Variants in SHROOM3 observed in about 807,000 individuals in gnomAD.
SHROOM3 encodes protein Shroom3.
A neutral mutation model predicts 138.6 loss-of-function variants in SHROOM3; 47 were observed. The observed-to-expected ratio is 0.34, with a 90% CI of 0.27 to 0.43. SHROOM3 has a LOEUF of 0.43. Ranked by LOEUF, SHROOM3 falls within the 20% of genes least tolerant of loss-of-function variation. The probability of loss-of-function intolerance (pLI) is 1.00; values close to 1 mark genes in which losing one functional copy is unlikely to be tolerated. For missense variants in SHROOM3, 2,491 were observed against 2,596.5 expected (o/e 0.96, Z 0.88); for synonymous variants, 1,062 against 1,063.3 (o/e 1.00, Z 0.02).
At chr4:76,540,934 C>T (rs1272179698) in intron 1 of SHROOM3, among the ~76,000 whole-genome samples, 2 of 152,010 alleles carry the variant, frequency 1.3e-5, no homozygotes, top group African/African-American at 4.8e-5. Flanking sequence ...TAACTATTGC[C>T]CTGTGAGCCC....
At chr4:76,598,217 G>A (rs1408684027) in intron 2 of SHROOM3, among the ~76,000 whole-genome samples, 10 of 151,554 alleles carry the variant, frequency 6.6e-5, no homozygotes, top group Non-Finnish European at 1.2e-4. Context: ...TAGTAGAGAC[G>A]GGGTTTCACC....
In SHROOM3 at chr4:76,740,865, C is replaced by A. The variant is rs1721226891; in HGVS notation, c.2692C>A (p.Pro898Thr). ...GAGCACCTTCCAGCTCTCCAGCGAG[C>A]CAGAGAGGGAGCCCGAGTGGCGGGA... ...SQSTFQLSSE[P>T]EREPEWRDRP... Residue 898 changes from proline to threonine, a missense_variant, in exon 5 of 11, where the codon CCA becomes ACA. Coordinates refer to ENST00000296043, the MANE Select transcript of SHROOM3 (RefSeq NM_020859.4). The surrounding 1 kb of genome is among the most constrained non-coding windows in gnomAD (Gnocchi z 4.0). The A allele has an allele frequency of 6.4e-7, 1 of 1,556,224 alleles. No homozygotes were observed. The highest frequency in any genetic ancestry group is 8.7e-7 in the Non-Finnish European group (1 of 1,154,174).
intron 2 of SHROOM3, among the ~76,000 whole-genome samples, chr4:76,650,568 G>T (rs1735934230): frequency 6.8e-6 from 1 of 147,374 alleles, no homozygotes; most frequent in South Asian, 2.1e-4. Flanking sequence ...TTTATTTGAT[G>T]GAGTCTTGCT....
At chr4:76,499,462 G>A (rs921076965) in intron 1 of SHROOM3, among the ~76,000 whole-genome samples, 25 of 152,086 alleles carry the variant, frequency 1.6e-4, no homozygotes, top group Middle Eastern at 3.2e-3. Flanking sequence ...ATTTTAAAAT[G>A]TCAACCAATG....
At chr4:76,551,857 AATT>A (rs560387094) in intron 1 of SHROOM3, among the ~76,000 whole-genome samples, 2 of 151,618 alleles carry the variant, frequency 1.3e-5, no homozygotes, top group African/African-American at 2.4e-5. Flanking sequence ...GAAAAAGAAG[AATT>A]ATTATTATTA....
chr4:76,732,124 T>C (rs1296065969), intron 4 of SHROOM3, among the ~76,000 whole-genome samples: 2 of 152,236 alleles, frequency 1.3e-5, no homozygotes. Flanking sequence ...ATCTATCTTC[T>C]GATCCCAGGG....
intron 1 of SHROOM3, among the ~76,000 whole-genome samples, chr4:76,454,502 T>C (rs773415361): frequency 6.6e-6 from 1 of 152,238 alleles, no homozygotes; most frequent in African/African-American, 2.4e-5. Context: ...ACTCTCTCTA[T>C]TCTATTGTAT....
chr4:76,689,425 C>A (rs1433654982), intron 2 of SHROOM3: 1 of 747,708 alleles, frequency 1.3e-6, no homozygotes, highest in Non-Finnish European at 1.6e-6. Context: ...CTGAGCGGGC[C>A]CGGGCGGGAC....
chr4:76,577,236 G>T lies in SHROOM3; in HGVS notation c.323+21473G>T, dbSNP rs573672651. Among the ~76,000 whole-genome samples the T allele has an allele frequency of 6.6e-5, 10 of 152,328 alleles. No individual in the cohort carries two copies. The South Asian group carries it at 2.1e-3, about 32-fold the overall frequency. On this transcript the variant is annotated intron_variant, in intron 2 of 10. Transcript: ENST00000296043. ...CATATCACAGGCTAAAAAGCCCTCT[G>T]TGTAAATTAATTCCTAGTGGTCTAT... is the stretch of plus-strand genomic sequence containing the variant.
intron 2 of SHROOM3, among the ~76,000 whole-genome samples, chr4:76,588,040 C>A (rs536512340): frequency 1.3e-5 from 2 of 152,154 alleles, no homozygotes; most frequent in Admixed American, 6.5e-5. Context: ...ATTCCCTAAT[C>A]TTAGCCCTAA....
At chr4:76,494,661 C>T (rs1258498938) in intron 1 of SHROOM3, among the ~76,000 whole-genome samples, 6 of 152,182 alleles carry the variant, frequency 3.9e-5, no homozygotes, top group Non-Finnish European at 8.8e-5. Context: ...GGGGGTGTCC[C>T]CTCCAAATAT....
chr4:76,661,023 C>G (rs564837472), intron 2 of SHROOM3, among the ~76,000 whole-genome samples: 4 of 152,014 alleles, frequency 2.6e-5, no homozygotes, highest in Non-Finnish European at 5.9e-5. Flanking sequence ...TCTTGAACTC[C>G]TGGCCTCAAG....
chr4:76,591,232 G>C (rs1053125178), intron 2 of SHROOM3, among the ~76,000 whole-genome samples: 1 of 152,134 alleles, frequency 6.6e-6, no homozygotes, highest in Admixed American at 6.5e-5. Flanking sequence ...GAAGGCACAC[G>C]GCCTGTCAGA....
chr4:76,606,702 C>A (rs575245934), intron 2 of SHROOM3, among the ~76,000 whole-genome samples: 79 of 152,038 alleles, frequency 5.2e-4, no homozygotes, highest in South Asian at 4.2e-3. Context: ...GACTCCCTCT[C>A]AAAAAATAAA....
rs1030905993 is a variant in SHROOM3, at chr4:76,691,342, T to C, written c.324-18814T>C. ...TAGGTCACTACTCTGAACCTCAAAA[T>C]TGAGGAATTCTAAAATTTGTTTAGA... is the stretch of plus-strand genomic sequence containing the variant. On this transcript the variant is annotated intron_variant, in intron 2 of 10. Coordinates refer to ENST00000296043, the MANE Select transcript of SHROOM3 (RefSeq NM_020859.4). 2.0e-5 allele frequency among the ~76,000 whole-genome samples: 3 copies of C among 152,134 alleles called. No individual in the cohort carries two copies. In the South Asian group the frequency reaches 6.2e-4, roughly 32 times the overall value.
chr4:76,505,113 A>G (rs1732183934), intron 1 of SHROOM3, among the ~76,000 whole-genome samples: 1 of 152,192 alleles, frequency 6.6e-6, no homozygotes, highest in South Asian at 2.1e-4. Flanking sequence ...TTTTCATTTT[A>G]AGGATTACTT....
intron 9 of SHROOM3, among the ~76,000 whole-genome samples, chr4:76,768,570 G>T (rs930142152): frequency 2.0e-5 from 3 of 152,194 alleles, no homozygotes; most frequent in African/African-American, 7.2e-5. Context: ...GAGTACAGTG[G>T]TGTGATCTAG....
intron 5 of SHROOM3, 131 bp from the exon 6 acceptor site, chr4:76,748,886 T>C (rs1721535260): frequency 1.3e-6 from 1 of 745,090 alleles, no homozygotes; most frequent in South Asian, 1.4e-5. Context: ...TATGTAAGAG[T>C]GCCACCACGT....
intron 2 of SHROOM3, among the ~76,000 whole-genome samples, chr4:76,605,363 GA>G (rs1281542685): frequency 6.6e-6 from 1 of 152,132 alleles, no homozygotes; most frequent in East Asian, 1.9e-4. Context: ...ATTCTAGTGG[GA>G]GAGAACAGTT....
Sources: gnomAD v4.1 joint callset for allele counts (sites outside exome capture counted in the v4.1 genomes callset) on GRCh38, gnomAD v4.1.1 for gene constraint, Gnocchi (gnomAD v3.1) non-coding constraint, MANE v1.5 for transcripts, NCBI Gene and HGNC (gene_info 2026-07-23, HGNC 2026-07-21) for gene names.